Variants in AKNAD1 observed in about 807,000 individuals in gnomAD.
The protein encoded by AKNAD1 is AKNA domain containing 1, also known as protein AKNAD1.
AKNAD1 carries 67 observed loss-of-function variants against 90.8 expected under a neutral mutation model. The ratio of observed to expected loss-of-function variants is 0.74; its 90% CI spans 0.61 to 0.90. AKNAD1 has a LOEUF of 0.90. AKNAD1 is among the 40% of genes least tolerant of loss of function. The probability of loss-of-function intolerance (pLI) is 0.00; values close to 1 mark genes in which losing one functional copy is unlikely to be tolerated. For missense variants in AKNAD1, 957 were observed against 975.4 expected (o/e 0.98, Z 0.25); for synonymous variants, 327 against 341.4 (o/e 0.96, Z 0.46).
intron 1 of AKNAD1, among the ~76,000 whole-genome samples, chr1:108,855,241 G>A (rs1205435678): frequency 6.6e-6 from 1 of 151,620 alleles, no homozygotes; most frequent in Non-Finnish European, 1.5e-5. Flanking sequence ...GTGAAACCCC[G>A]TCTCTACTAA....
chr1:108,839,320 C>T (rs1468297650), intron 6 of AKNAD1, among the ~76,000 whole-genome samples: 5 of 152,030 alleles, frequency 3.3e-5, no homozygotes, highest in Non-Finnish European at 7.4e-5. Context: ...CCCGTCTCTA[C>T]TAAAAATACA....
chr1:108,818,154 C>A (rs1415318547), intron 14 of AKNAD1, among the ~76,000 whole-genome samples: 1 of 152,076 alleles, frequency 6.6e-6, no homozygotes, highest in Non-Finnish European at 1.5e-5. Context: ...GAGCAGTGGC[C>A]CTGAGGGATG....
chr1:108,816,343 A>T, intron 15 of AKNAD1, 41 bp from the exon 16 acceptor site: 1 of 1,578,482 alleles, frequency 6.3e-7, no homozygotes, highest in Non-Finnish European at 8.6e-7. Context: ...ACATAAACTA[A>T]CTGCTGTTTC....
At chr1:108,837,250 G>T (rs1664414230) in intron 7 of AKNAD1, 1 of 255,194 alleles carries the variant, frequency 3.9e-6, no homozygotes, top group East Asian at 7.8e-5. Context: ...TTTCTTCCAG[G>T]CATGATCTAC....
At chr1:108,827,179 C>T (rs1557827375) in intron 11 of AKNAD1, 26 bp downstream of exon 11, 2 of 1,574,186 alleles carry the variant, frequency 1.3e-6, no homozygotes, top group Middle Eastern at 1.8e-4. Context: ...GAAAAATGAG[C>T]ACCCAGCCCA....
At chr1:108,816,341 T>C in intron 15 of AKNAD1, 39 bp from the exon 16 acceptor site, 1 of 1,581,902 alleles carries the variant, frequency 6.3e-7, no homozygotes, top group Non-Finnish European at 8.6e-7. Flanking sequence ...TTACATAAAC[T>C]AACTGCTGTT....
At chr1:108,846,807 C>A (rs1012534009) in intron 5 of AKNAD1, among the ~76,000 whole-genome samples, 2 of 152,142 alleles carry the variant, frequency 1.3e-5, no homozygotes, top group Middle Eastern at 3.2e-3. Flanking sequence ...GAGCCCTCTA[C>A]TTAGATGTCC....
At chr1:108,817,868 G>A (rs1344225852) in intron 14 of AKNAD1, among the ~76,000 whole-genome samples, 1 of 152,100 alleles carries the variant, frequency 6.6e-6, no homozygotes, top group Non-Finnish European at 1.5e-5. Context: ...CCAATTGCAG[G>A]TACCTTGGGT....
chr1:108,821,927 T>C (rs1663825319), intron 13 of AKNAD1, among the ~76,000 whole-genome samples: 1 of 152,026 alleles, frequency 6.6e-6, no homozygotes, highest in Non-Finnish European at 1.5e-5. Flanking sequence ...TAGCCAGGCT[T>C]CACTCACACT....
intron 7 of AKNAD1, chr1:108,837,188 G>A (rs566204043): frequency 1.3e-4 from 21 of 164,910 alleles, no homozygotes; most frequent in Admixed American, 4.9e-4. Context: ...AGCTGAGATC[G>A]TGCTACCACA....
intron 10 of AKNAD1, among the ~76,000 whole-genome samples, chr1:108,828,974 A>C (rs942312437): frequency 1.3e-5 from 2 of 151,900 alleles, no homozygotes; most frequent in Non-Finnish European, 1.5e-5. Context: ...TAAAGGGATA[A>C]GCATATTTTA....
In AKNAD1 at chr1:108,854,275, C is replaced by G. The variant is rs142229519; in HGVS notation, c.-103-1508G>C. Among the ~76,000 whole-genome samples the G allele has an allele frequency of 7.6e-3, 1,160 of 152,316 alleles. 17 individuals are homozygous for G. The highest frequency in any genetic ancestry group is 9.7e-3 in the Non-Finnish European group (662 of 68,024). ...GGGATGATTCCTCAGAAGTAGTAAT[C>G]TCAAGTTTTAAGTAGAGTAACTGAG... On this transcript the variant is annotated intron_variant, in intron 1 of 15. Coordinates refer to ENST00000370001, the MANE Select transcript of AKNAD1 (RefSeq NM_152763.5).
At chr1:108,817,375 A>T (rs1056981852) in intron 14 of AKNAD1, 198 bp from the exon 15 acceptor site, 1 of 475,824 alleles carries the variant, frequency 2.1e-6, no homozygotes, top group Admixed American at 3.8e-5. Flanking sequence ...TGCCATGACC[A>T]TGCGGGTGTT....
intron 15 of AKNAD1, 131 bp downstream of exon 15, chr1:108,816,917 A>C (rs1486975437): frequency 8.2e-6 from 9 of 1,093,838 alleles, no homozygotes; most frequent in Non-Finnish European, 1.2e-5. Context: ...AGTTCTGAGC[A>C]CAAAATTGTC....
intron 9 of AKNAD1, among the ~76,000 whole-genome samples, chr1:108,831,876 G>A (rs142669958): frequency 6.6e-6 from 1 of 152,032 alleles, no homozygotes; most frequent in African/African-American, 2.4e-5. Flanking sequence ...CGCCCACCTC[G>A]GCCTCCCAAA....
In AKNAD1 at chr1:108,817,264, C is replaced by T. The variant is rs535408721; in HGVS notation, c.2250-87G>A. 141 of 1,547,686 alleles carry T rather than the reference C, an allele frequency of 9.1e-5. 1 individual carries two copies. The South Asian group carries it at 1.0e-3, about 11-fold the overall frequency. The stretch of plus-strand genomic sequence containing the variant: ...ACGTCAGCTCTGTGGTAGGTAATGG[C>T]TCTGTGTGGTTTGGGTGTGGGTGGA... On this transcript the variant is annotated intron_variant, in intron 14 of 15. Transcript: ENST00000370001.
chr1:108,830,077 G>A (rs1664137715), intron 10 of AKNAD1, among the ~76,000 whole-genome samples: 1 of 152,140 alleles, frequency 6.6e-6, no homozygotes, highest in Non-Finnish European at 1.5e-5. Flanking sequence ...GGGGGCTCAG[G>A]TGAAACCCAA....
intron 2 of AKNAD1, among the ~76,000 whole-genome samples, chr1:108,850,129 C>T (rs188332751): frequency 4.6e-5 from 7 of 152,292 alleles, no homozygotes; most frequent in Admixed American, 3.9e-4. Flanking sequence ...TTCTACTCAC[C>T]ACTGGCTAAT....
At chr1:108,839,611 G>GA (rs57036892) in intron 6 of AKNAD1, among the ~76,000 whole-genome samples, 7,463 of 152,078 alleles carry the variant, frequency 0.049, 547 homozygotes, top group African/African-American at 0.16. Context: ...ACATTTTCTT[G>GA]AATTAAATAA....
Sources: gnomAD v4.1 joint callset for allele counts (sites outside exome capture counted in the v4.1 genomes callset) on GRCh38, gnomAD v4.1.1 for gene constraint, MANE v1.5 for transcripts, NCBI Gene and HGNC (gene_info 2026-07-23, HGNC 2026-07-21) for gene names.